Variants in KSR1 observed in about 807,000 individuals in gnomAD.
KSR1 encodes the protein kinase suppressor of ras.
In KSR1, 35 loss-of-function variants were observed where a neutral mutation model predicts 92.9. That is an observed-to-expected ratio of 0.38 (90% CI 0.29 to 0.50). The LOEUF is 0.50. Ranked by LOEUF, KSR1 falls within the 20% of genes least tolerant of loss-of-function variation. KSR1 has a pLI of 0.94. For synonymous variants in KSR1, 467 were observed against 472.6 expected, an observed-to-expected ratio of 0.99 and a Z score of 0.15; for missense variants, 972 against 1,158.5, an observed-to-expected ratio of 0.84 and a Z score of 2.34.
At chr17:27,523,651 G>T (rs572202416) in intron 1 of KSR1, among the ~76,000 whole-genome samples, 1 of 152,314 alleles carries the variant, frequency 6.6e-6, no homozygotes, top group Admixed American at 6.5e-5. Context: ...CATAAAAGAA[G>T]TCTGGATGTA....
rs1426237640 is a variant in KSR1 at position 27,559,303 on chromosome 17, C to G, written c.372+8595C>G. ...CCTGCTGCGGCGCTGCATGCCTGACCTTTGGTTCCTCGTCCCTTCCCTGTC... is the reference window on the plus strand; with the variant it reads ...CCTGCTGCGGCGCTGCATGCCTGACGTTTGGTTCCTCGTCCCTTCCCTGTC... On this transcript the variant is annotated intron_variant, in intron 2 of 20. Transcript: ENST00000644974. This position sits in a 1 kb window ranked among gnomAD's most constrained non-coding sequence, Gnocchi z 4.2. Among the ~76,000 whole-genome samples, 1 of 152,198 alleles carries G rather than the reference C, an allele frequency of 6.6e-6. No individual in the cohort carries two copies. The highest frequency in any genetic ancestry group is 1.5e-5 in the Non-Finnish European group (1 of 68,030).
intron 1 of KSR1, among the ~76,000 whole-genome samples, chr17:27,532,642 G>A (rs1366167240): frequency 6.6e-6 from 1 of 152,236 alleles, no homozygotes; most frequent in Non-Finnish European, 1.5e-5. Context: ...GGTAGGATGT[G>A]GCTTACAGGC....
chr17:27,592,144 A>G (rs994339367), intron 7 of KSR1, among the ~76,000 whole-genome samples: 4 of 152,220 alleles, frequency 2.6e-5, no homozygotes, highest in African/African-American at 9.6e-5. Flanking sequence ...GAGGATGGAT[A>G]GATGACAGCA....
At chr17:27,515,128 A>G (rs889198894) in intron 1 of KSR1, among the ~76,000 whole-genome samples, 2 of 152,252 alleles carry the variant, frequency 1.3e-5, no homozygotes, top group African/African-American at 4.8e-5. Flanking sequence ...TAAAATAGAT[A>G]GGAAACAAGC....
intron 1 of KSR1, among the ~76,000 whole-genome samples, chr17:27,470,293 G>A (rs1342378413): frequency 6.8e-6 from 1 of 147,476 alleles, no homozygotes; most frequent in Non-Finnish European, 1.5e-5. Flanking sequence ...CCAGGCTGGA[G>A]TGCAGTGGTG....
At chr17:27,564,704 T>C (rs921189513) in intron 2 of KSR1, among the ~76,000 whole-genome samples, 3 of 151,178 alleles carry the variant, frequency 2.0e-5, no homozygotes, top group Admixed American at 6.6e-5. Flanking sequence ...ATGTTCATAC[T>C]GTAACCAATC....
intron 6 of KSR1, among the ~76,000 whole-genome samples, chr17:27,589,870 C>T (rs902087938): frequency 6.6e-6 from 1 of 152,180 alleles, no homozygotes; most frequent in African/African-American, 2.4e-5. Context: ...CTCCTCAACC[C>T]CCTCTTTAAA....
chr17:27,481,902 G>T (rs4795684), intron 1 of KSR1, among the ~76,000 whole-genome samples: 62,325 of 152,044 alleles, frequency 0.41, 13,556 homozygotes, highest in African/African-American at 0.55. Flanking sequence ...GTGCCCTTGG[G>T]CTTTGGAGAC....
chr17:27,537,260 TTGTC>T (rs1333183922), intron 1 of KSR1, among the ~76,000 whole-genome samples: 1 of 152,220 alleles, frequency 6.6e-6, no homozygotes, highest in Non-Finnish European at 1.5e-5. Flanking sequence ...TGGCAAATGT[TTGTC>T]TGTATTCCAG....
intron 2 of KSR1, among the ~76,000 whole-genome samples, chr17:27,553,640 C>T (rs956091328): frequency 6.6e-6 from 1 of 152,218 alleles, no homozygotes; most frequent in Non-Finnish European, 1.5e-5. Context: ...CACAAGGAAC[C>T]ATTAGCTGCT....
At chr17:27,620,940 A>C (rs1031289404) in intron 19 of KSR1, 1 of 348,524 alleles carries the variant, frequency 2.9e-6, no homozygotes, top group African/African-American at 2.1e-5. Context: ...TTCCTGAATG[A>C]GTCTGTGTCA....
intron 5 of KSR1, 96 bp from the exon 6 acceptor site, chr17:27,588,379 C>G (rs941405084): frequency 2.9e-6 from 3 of 1,041,614 alleles, no homozygotes; most frequent in Admixed American, 4.9e-5. Context: ...CCATTGCGCC[C>G]CCCTCTAGCC....
intron 1 of KSR1, among the ~76,000 whole-genome samples, chr17:27,512,269 A>G (rs1317011192): frequency 6.6e-6 from 1 of 152,234 alleles, no homozygotes; most frequent in African/African-American, 2.4e-5. Flanking sequence ...GGCTTGGAAA[A>G]TAGAGATGAA....
rs1165337576 is a variant in KSR1, at chr17:27,597,250, A to G, written c.1300-18A>G. ...GGCCAGGACAGCCCTGCCATTCCCA[A>G]CATCTCTGGTCCTGCAGGAGCACCC... is the stretch of plus-strand genomic sequence containing the variant. On this transcript the variant is annotated intron_variant, in intron 9 of 20. Coordinates refer to ENST00000644974, the MANE Select transcript of KSR1 (RefSeq NM_001394583.1). The G allele has an allele frequency of 6.4e-7, 1 of 1,563,510 alleles. No homozygotes were observed. Among genetic ancestry groups the G allele is most frequent in the Non-Finnish European group, 8.7e-7 (1 of 1,155,000 alleles).
rs575871713 is a variant in KSR1, at chr17:27,593,603, CAAG to C, written c.1299+981_1299+983del. Among the ~76,000 whole-genome samples the C allele has an allele frequency of 9.7e-4, 148 of 152,312 alleles. 1 individual carries two copies. Among genetic ancestry groups the C allele is most frequent in the African/African-American group, 3.2e-3 (134 of 41,570 alleles). On this transcript the variant is annotated intron_variant, in intron 9 of 20. Coordinates refer to ENST00000644974, the MANE Select transcript of KSR1 (RefSeq NM_001394583.1). ...GCCAGGGCCACCTCTTACTGTCAGACAAGAAGGCCGGCTGCCCCAGGCCTGACA... is the reference window on the plus strand; with the variant it reads ...GCCAGGGCCACCTCTTACTGTCAGACAAGGCCGGCTGCCCCAGGCCTGACA...
At chr17:27,480,651 G>A (rs1310066694) in intron 1 of KSR1, among the ~76,000 whole-genome samples, 2 of 152,116 alleles carry the variant, frequency 1.3e-5, no homozygotes, top group African/African-American at 4.8e-5. Flanking sequence ...CACCCGCTTC[G>A]GCCTCCCACA....
rs912475821 is a variant in KSR1 at position 27,623,935 on chromosome 17, G to A, written c.*543G>A. On this transcript the variant is annotated 3_prime_UTR_variant, in exon 21 of 21. Transcript: ENST00000644974. ...TTCAAAGGGATACTGCCCCTTCCTC[G>A]TCTTGCAGAGGAAACCCTGGCTAGG... 4.2e-5 allele frequency: 12 copies of A among 286,088 alleles called. No homozygotes were observed. The highest frequency in any genetic ancestry group is 1.9e-4 in the East Asian group (3 of 16,036). 17.7% of individuals were successfully genotyped at this position (286,088 alleles called of 1,614,324 possible).
chr17:27,569,367 GA>G (rs559161025), intron 2 of KSR1, among the ~76,000 whole-genome samples: 116 of 152,204 alleles, frequency 7.6e-4, no homozygotes, highest in Middle Eastern at 3.2e-3. Flanking sequence ...ATGATGCAGA[GA>G]AAGGTGACAA....
chr17:27,487,807 A>G (rs2068712700), intron 1 of KSR1, among the ~76,000 whole-genome samples: 1 of 152,096 alleles, frequency 6.6e-6, no homozygotes, highest in Admixed American at 6.6e-5. Flanking sequence ...TCATGTGTCT[A>G]GACAGAGACC....
Sources: gnomAD v4.1 joint callset for allele counts (sites outside exome capture counted in the v4.1 genomes callset) on GRCh38, gnomAD v4.1.1 for gene constraint, Gnocchi (gnomAD v3.1) non-coding constraint, MANE v1.5 for transcripts, NCBI Gene and HGNC (gene_info 2026-07-23, HGNC 2026-07-21) for gene names.